JMJD1C: variants seen among roughly 807,000 people sequenced by gnomAD.
JMJD1C encodes the protein jumonji domain-containing protein 1C.
JMJD1C carries 31 observed loss-of-function variants against 245.3 expected under a neutral mutation model. That is an observed-to-expected ratio of 0.13 (90% CI 0.09 to 0.17). The LOEUF (loss-of-function observed/expected upper bound fraction) is 0.17, where lower values mean the gene tolerates loss of function less well. Ranked by LOEUF, JMJD1C falls within the 10% of genes least tolerant of loss-of-function variation. The pLI is 1.00. For synonymous variants in JMJD1C, 1,057 were observed against 1,017.4 expected, an observed-to-expected ratio of 1.04 and a Z score of -0.74; for missense variants, 2,691 against 3,000.2, an observed-to-expected ratio of 0.90 and a Z score of 2.41.
At chr10:63,235,686 C>T in intron 3 of JMJD1C, among the ~76,000 whole-genome samples, 1 of 152,190 alleles carries the variant, frequency 6.6e-6, no homozygotes, top group Non-Finnish European at 1.5e-5. Flanking sequence ...TTAATCCTAA[C>T]AATACCTCTG....
rs748934644 is a variant in JMJD1C at position 63,465,509 on chromosome 10, T to G, written c.154A>C (p.Asn52His). The G allele has an allele frequency of 1.2e-6, 2 of 1,604,554 alleles. No individual in the cohort carries two copies. Among genetic ancestry groups the G allele is most frequent in the Non-Finnish European group, 1.7e-6 (2 of 1,177,790 alleles). The change falls in exon 1 of 26, where the codon AAT becomes CAT. Residue 52 changes from asparagine to histidine, a missense_variant. By Grantham distance (68) the Asn-to-His change is moderately conservative. Coordinates refer to ENST00000399262, the MANE Select transcript of JMJD1C (RefSeq NM_032776.3). ...GACTCTCTTACCGCCAGGTCCGGATTGCGGCTGTCCCTGTGTGACACGGCT... is the reference window on the plus strand; with the variant it reads ...GACTCTCTTACCGCCAGGTCCGGATGGCGGCTGTCCCTGTGTGACACGGCT... ...IRAVSHRDSR[N>H]PDLAVYVEFD... is the part of the protein sequence containing the mutation.
chr10:63,408,403 GA>G (rs575101390), intron 1 of JMJD1C, among the ~76,000 whole-genome samples: 2 of 144,978 alleles, frequency 1.4e-5, no homozygotes, highest in Non-Finnish European at 1.5e-5. Context: ...AACTGTCTCA[GA>G]AAAAAAAAAC....
At chr10:63,204,787 C>G in intron 10 of JMJD1C, 3 of 985,416 alleles carry the variant, frequency 3.0e-6, no homozygotes, top group Non-Finnish European at 2.4e-6. Flanking sequence ...TGTTCTTTCA[C>G]TTTCTGACTG....
intron 24 of JMJD1C, among the ~76,000 whole-genome samples, chr10:63,170,236 T>A (rs1842224151): frequency 6.6e-6 from 1 of 152,214 alleles, no homozygotes; most frequent in Admixed American, 6.5e-5. Flanking sequence ...TAGTAGTAAG[T>A]CCAATGTCTG....
At chr10:63,168,414 C>T (rs1484621715) in intron 25 of JMJD1C, 21 bp downstream of exon 25, 5 of 1,592,814 alleles carry the variant, frequency 3.1e-6, no homozygotes, top group South Asian at 2.3e-5. Flanking sequence ...AAGAACAGGA[C>T]CTAGAACACC....
At chr10:63,335,981 C>A (rs1240651218) in intron 2 of JMJD1C, among the ~76,000 whole-genome samples, 2 of 151,284 alleles carry the variant, frequency 1.3e-5, no homozygotes, top group Non-Finnish European at 2.9e-5. Flanking sequence ...ATTAGCCAGG[C>A]GAGGTAGCTT....
At chr10:63,335,822 TA>T (rs533283891) in intron 2 of JMJD1C, among the ~76,000 whole-genome samples, 13 of 144,494 alleles carry the variant, frequency 9.0e-5, no homozygotes, top group African/African-American at 1.0e-4. Flanking sequence ...AATATTTTCC[TA>T]AAAAAAAAAC....
chr10:63,331,811 G>T (rs111689016), intron 2 of JMJD1C, among the ~76,000 whole-genome samples: 39 of 152,186 alleles, frequency 2.6e-4, no homozygotes, highest in African/African-American at 9.4e-4. Context: ...GTAGAGATGG[G>T]GTTTCGCCAT....
At chr10:63,298,927 C>T (rs1859759214) in intron 2 of JMJD1C, among the ~76,000 whole-genome samples, 1 of 152,104 alleles carries the variant, frequency 6.6e-6, no homozygotes, top group East Asian at 1.9e-4. Context: ...GACAAGGTTT[C>T]TCCATGTTGG....
intron 13 of JMJD1C, among the ~76,000 whole-genome samples, chr10:63,195,353 C>CA (rs56809186): frequency 0.46 from 50,132 of 109,340 alleles, 10,951 homozygotes; most frequent in South Asian, 0.55. Context: ...GACACCATCT[C>CA]AAAAAAAAAA....
intron 1 of JMJD1C, among the ~76,000 whole-genome samples, chr10:63,455,469 A>G (rs531978463): frequency 1.2e-4 from 18 of 152,310 alleles, no homozygotes; most frequent in African/African-American, 3.6e-4. Flanking sequence ...ATACAGTTAC[A>G]TATCTCAATA....
intron 13 of JMJD1C, 35 bp from the exon 14 acceptor site, chr10:63,194,410 G>A (rs1265308112): frequency 1.5e-6 from 2 of 1,313,342 alleles, no homozygotes; most frequent in Admixed American, 1.7e-5. Context: ...TCACACTCAT[G>A]GTTTCATAAT....
At chr10:63,194,163 C>G (rs561539670) in intron 14 of JMJD1C, 123 bp downstream of exon 14, 73 of 682,538 alleles carry the variant, frequency 1.1e-4, no homozygotes, top group Non-Finnish European at 1.8e-4. Context: ...AATAACTGAG[C>G]AAGACAATTC....
At position 63,480,903 on chromosome 10, in the gene JMJD1C, G is replaced by A. The variant is rs369356779; in HGVS notation, n.113+40835C>T. On this transcript the variant is annotated intron_variant and non_coding_transcript_variant, in intron 1 of 3. Coordinates refer to the JMJD1C transcript ENST00000633035. ...CACAGGATATTAACTTTCTGGAGAA[G>A]AAATGGTAAGCATTTTCATCGCCTA... Among the ~76,000 whole-genome samples the A allele has an allele frequency of 6.6e-5, 10 of 152,256 alleles. No individual in the cohort carries two copies. In the South Asian group the frequency reaches 2.1e-3, roughly 32 times the overall value.
chr10:63,409,593 T>C (rs959899530), intron 1 of JMJD1C, among the ~76,000 whole-genome samples: 6 of 152,152 alleles, frequency 3.9e-5, no homozygotes, highest in Non-Finnish European at 8.8e-5. Context: ...TCTGGGTCAG[T>C]GGAAGAATGA....
chr10:63,252,124 T>C (rs540789847), intron 3 of JMJD1C, among the ~76,000 whole-genome samples: 1 of 152,338 alleles, frequency 6.6e-6, no homozygotes, highest in South Asian at 2.1e-4. Context: ...GGATATCCAT[T>C]AATGAATGAG....
At chr10:63,412,800 A>T (rs1281518056) in intron 1 of JMJD1C, among the ~76,000 whole-genome samples, 1 of 152,184 alleles carries the variant, frequency 6.6e-6, no homozygotes, top group Non-Finnish European at 1.5e-5. Flanking sequence ...CATTTTCTAA[A>T]TTTTTAAAAA....
intron 2 of JMJD1C, among the ~76,000 whole-genome samples, chr10:63,284,951 A>G (rs1239072651): frequency 6.6e-6 from 1 of 152,018 alleles, no homozygotes; most frequent in African/African-American, 2.4e-5. Flanking sequence ...CCACACATAC[A>G]CACACAATTT....
chr10:63,248,529 GATAAATAAATAAATAAATAA>G (rs373943626), intron 3 of JMJD1C, among the ~76,000 whole-genome samples: 3 of 137,010 alleles, frequency 2.2e-5, no homozygotes, highest in Admixed American at 7.5e-5. Context: ...TCAATAGATA[GATAAATAAATAAATAAATAA>G]ATAAATAAAT....
Sources: allele counts gnomAD v4.1 joint callset (sites outside exome capture counted in the v4.1 genomes callset), GRCh38; gene constraint gnomAD v4.1.1; transcripts MANE v1.5; gene names NCBI Gene and HGNC (gene_info 2026-07-23, HGNC 2026-07-21).